The following METRNL variants were observed in gnomAD, a reference collection of about 807,000 sequenced individuals.
The protein encoded by METRNL is meteorin like, glial cell differentiation regulator, also known as meteorin-like protein.
In METRNL, 9 loss-of-function variants were observed where a neutral mutation model predicts 17.4. The ratio of observed to expected loss-of-function variants is 0.52; its 90% CI spans 0.31 to 0.90. The LOEUF (loss-of-function observed/expected upper bound fraction) is 0.90, where lower values mean the gene tolerates loss of function less well. METRNL is among the 40% of genes least tolerant of loss of function. The probability of loss-of-function intolerance (pLI) is 0.05; values close to 1 mark genes in which losing one functional copy is unlikely to be tolerated. For missense variants in METRNL, 408 were observed against 430.7 expected (o/e 0.95, Z 0.47); for synonymous variants, 215 against 199.3 (o/e 1.08, Z -0.66).
intron 2 of METRNL, among the ~76,000 whole-genome samples, chr17:83,091,219 C>T (rs1364303465): frequency 6.6e-6 from 1 of 151,842 alleles, no homozygotes; most frequent in Non-Finnish European, 1.5e-5. Flanking sequence ...CCTCGAGGCG[C>T]CCCCAGTGCC....
At chr17:83,091,936 C>T (rs1387654454) in intron 2 of METRNL, among the ~76,000 whole-genome samples, 1 of 152,200 alleles carries the variant, frequency 6.6e-6, no homozygotes. Context: ...AAGTCCGTCC[C>T]GAGTGTAGGA....
chr17:83,080,086 G>A, intron 1 of METRNL, 101 bp downstream of exon 1: 1 of 647,302 alleles, frequency 1.5e-6, no homozygotes, highest in Non-Finnish European at 1.9e-6. Flanking sequence ...GGGCGGGCGC[G>A]GGGCAGGGGC....
intron 1 of METRNL, among the ~76,000 whole-genome samples, chr17:83,083,044 C>A (rs1015578875): frequency 2.6e-5 from 4 of 152,232 alleles, no homozygotes; most frequent in Non-Finnish European, 5.9e-5. Flanking sequence ...TGTCTTCTTT[C>A]TTCTGTGTCC....
intron 2 of METRNL, among the ~76,000 whole-genome samples, chr17:83,091,792 G>A (rs1020480775): frequency 9.2e-5 from 14 of 152,358 alleles, no homozygotes; most frequent in Admixed American, 3.3e-4. Flanking sequence ...TGGCACCGGC[G>A]AAACCAGTGC....
At chr17:83,089,953 G>A (rs4072523) in intron 2 of METRNL, among the ~76,000 whole-genome samples, 29,188 of 151,736 alleles carry the variant, frequency 0.19, 2,916 homozygotes, top group East Asian at 0.24. Flanking sequence ...GAGCCAGGGC[G>A]GGGTACCCAG....
chr17:83,079,760 G>A lies in METRNL; in HGVS notation c.-56G>A. ...GCCCCCGCCCGGCTCGCCGGCTCCG[G>A]GGTCTGCTCCGGGGGTCGCGGACGC... On this transcript the variant is annotated 5_prime_UTR_variant, in exon 1 of 4. Transcript: ENST00000320095. 1.1e-6 allele frequency: 1 copy of A among 882,380 alleles called. No homozygotes were observed. The highest frequency in any genetic ancestry group is 1.4e-6 in the Non-Finnish European group (1 of 740,104). The allele number at this position is 882,380 out of a possible 1,614,324, so 54.7% of individuals were successfully genotyped here. A position where few individuals can be genotyped will look rare whatever the true frequency, so the allele number is the denominator to read the frequency against.
Position 83,094,471 on chromosome 17 carries a change from G to A in METRNL, c.832G>A (p.Gly278Arg), listed in dbSNP as rs368186952. ...CCTCTTCACTGGCCACATGCACTTCGGGGAGGCGCGGCTCGGCTGTGCCCC... is the reference window on the plus strand; with the variant it reads ...CCTCTTCACTGGCCACATGCACTTCAGGGAGGCGCGGCTCGGCTGTGCCCC... The part of the protein sequence containing the change: ...DFLFTGHMHF[G>R]EARLGCAPRF... Residue 278 changes from glycine to arginine, a missense_variant, in exon 4 of 4, where the codon GGG becomes AGG. Gly to Arg is a moderately radical substitution (Grantham distance 125). Coordinates refer to ENST00000320095, the MANE Select transcript of METRNL (RefSeq NM_001004431.3). 3.8e-6 allele frequency: 6 copies of A among 1,586,364 alleles called. No homozygotes were observed. Among genetic ancestry groups the A allele is most frequent in the East Asian group, 2.3e-5 (1 of 44,106 alleles).
chr17:83,088,550 G>A (rs1600489278), intron 2 of METRNL, among the ~76,000 whole-genome samples: 1 of 152,294 alleles, frequency 6.6e-6, no homozygotes, highest in East Asian at 1.9e-4. Flanking sequence ...CCCAATGCAG[G>A]CCCCAGTGAG....
At chr17:83,093,788 C>T (rs965198879) in intron 3 of METRNL, among the ~76,000 whole-genome samples, 7 of 152,264 alleles carry the variant, frequency 4.6e-5, no homozygotes, top group East Asian at 3.9e-4. Context: ...CTGCAGGCCC[C>T]GGCTCTGCAC....
chr17:83,083,350 G>A (rs1392333709), intron 1 of METRNL, among the ~76,000 whole-genome samples: 3 of 152,194 alleles, frequency 2.0e-5, no homozygotes, highest in East Asian at 1.9e-4. Context: ...AGAGAGGGTC[G>A]AGGCTCGGTG....
chr17:83,082,285 C>A (rs950433139), intron 1 of METRNL: 1 of 983,568 alleles, frequency 1.0e-6, no homozygotes, highest in Admixed American at 6.1e-5. Context: ...TCCTGACTTT[C>A]ATACAGGAGC....
At chr17:83,092,415 C>G (rs1038634576) in intron 2 of METRNL, 1 of 152,228 alleles carries the variant, frequency 6.6e-6, no homozygotes, top group Non-Finnish European at 1.5e-5. Flanking sequence ...CCGCTGCCGT[C>G]GCGACCCAGG....
intron 3 of METRNL, among the ~76,000 whole-genome samples, chr17:83,093,700 C>G (rs1212605860): frequency 1.3e-5 from 2 of 152,198 alleles, no homozygotes. Flanking sequence ...GCTCCAGCCC[C>G]TTTGCTTGTG....
At chr17:83,087,956 C>G (rs1190912890) in intron 2 of METRNL, among the ~76,000 whole-genome samples, 3 of 152,210 alleles carry the variant, frequency 2.0e-5, no homozygotes, top group Non-Finnish European at 4.4e-5. Context: ...AGGAGGAAAT[C>G]CCCCGCTCCG....
chr17:83,082,989 C>CT (rs1278181239), intron 1 of METRNL, among the ~76,000 whole-genome samples: 1 of 152,252 alleles, frequency 6.6e-6, no homozygotes, highest in African/African-American at 2.4e-5. Flanking sequence ...GCAGACCCGT[C>CT]TGAGTGCGCT....
intron 1 of METRNL, among the ~76,000 whole-genome samples, chr17:83,083,897 TTGA>T (rs2038017892): frequency 6.6e-6 from 1 of 152,248 alleles, no homozygotes; most frequent in African/African-American, 2.4e-5. Flanking sequence ...AAACACTTAG[TTGA>T]AGTCACCGGG....
intron 1 of METRNL, among the ~76,000 whole-genome samples, chr17:83,081,019 G>T (rs1568333927): frequency 6.6e-6 from 1 of 151,650 alleles, no homozygotes. Flanking sequence ...CCGGGTCCCC[G>T]CGAAGCCACA....
At position 83,079,859 on chromosome 17, in the gene METRNL, C is replaced by A. The variant is rs1269326898; in HGVS notation, c.44C>A (p.Pro15Gln). The A allele has an allele frequency of 1.6e-5, 15 of 966,142 alleles. No individual in the cohort carries two copies. The African/African-American group carries it at 2.7e-4, about 18-fold the overall frequency. 59.8% of individuals were successfully genotyped at this position (966,142 alleles called of 1,614,324 possible). ...ARAAWGRAGQ[P>Q]WPRPPAPGPP... The stretch of plus-strand genomic sequence containing the variant: ...GCGGCCTGGGGGCGCGCGGGGCAGC[C>A]GTGGCCGCGACCCCCCGCCCCGGGC... Residue 15 changes from proline (P) to glutamine (Q), a missense_variant, in exon 1 of 4, where the codon CCG (proline) becomes CAG (glutamine). Coordinates refer to ENST00000320095, the MANE Select transcript of METRNL (RefSeq NM_001004431.3).
At chr17:83,093,116 C>G in intron 2 of METRNL, 51 bp from the exon 3 acceptor site, 2 of 1,534,134 alleles carry the variant, frequency 1.3e-6, no homozygotes, top group South Asian at 2.2e-5. Context: ...GGGCGGCGTT[C>G]CAGAGCCTGT....
Sources: gnomAD v4.1 joint callset for allele counts (sites outside exome capture counted in the v4.1 genomes callset) on GRCh38, gnomAD v4.1.1 for gene constraint, MANE v1.5 for transcripts, NCBI Gene and HGNC (gene_info 2026-07-23, HGNC 2026-07-21) for gene names.